Variants in RPRD2 observed in about 807,000 individuals in gnomAD.
RPRD2 encodes regulation of nuclear pre-mRNA domain-containing protein 2.
RPRD2 carries 12 observed loss-of-function variants against 104.4 expected under a neutral mutation model. That is an observed-to-expected ratio of 0.11 (90% confidence interval 0.07 to 0.19). The LOEUF (loss-of-function observed/expected upper bound fraction) is 0.19, where lower values mean the gene tolerates loss of function less well. Ranked by LOEUF, RPRD2 falls within the 10% of genes least tolerant of loss-of-function variation. The pLI is 1.00. For synonymous variants in RPRD2, 714 were observed against 684.9 expected, an observed-to-expected ratio of 1.04 and a Z score of -0.66; for missense variants, 1,543 against 1,790.1, an observed-to-expected ratio of 0.86 and a Z score of 2.49.
chr1:150,367,680 GCTAT>G (rs1333079160), intron 1 of RPRD2, among the ~76,000 whole-genome samples: 2 of 151,258 alleles, frequency 1.3e-5, no homozygotes, highest in South Asian at 2.1e-4. Context: ...AGAGAAATAG[GCTAT>G]CTAAGGATAT....
chr1:150,396,897 A>G (rs1036204513), intron 1 of RPRD2, among the ~76,000 whole-genome samples: 10 of 152,200 alleles, frequency 6.6e-5, no homozygotes, highest in African/African-American at 2.4e-4. Context: ...AACGAGACAC[A>G]CTATGCTAGC....
intron 1 of RPRD2, among the ~76,000 whole-genome samples, chr1:150,371,449 C>T (rs908117363): frequency 1.8e-4 from 27 of 152,260 alleles, no homozygotes; most frequent in African/African-American, 6.3e-4. Flanking sequence ...CTGCAAGCTC[C>T]GCCTCCCGTG....
At position 150,462,469 on chromosome 1, in the gene RPRD2, A is replaced by C. The variant is rs1008677905; in HGVS notation, c.1412-2058A>C. Among the ~76,000 whole-genome samples the C allele has an allele frequency of 7.2e-5, 11 of 152,018 alleles. No individual in the cohort carries two copies. In the East Asian group the frequency reaches 2.1e-3, roughly 29 times the overall value. ...TCAAAAAAAAACAAAAAACAAAAAA[A>C]AAACCTGTAAATTATAAAAATTTTA... On this transcript the variant is annotated intron_variant, in intron 9 of 10. Transcript: ENST00000369068.
chr1:150,386,064 T>C (rs181113642), intron 1 of RPRD2, among the ~76,000 whole-genome samples: 7 of 152,212 alleles, frequency 4.6e-5, no homozygotes, highest in Non-Finnish European at 1.0e-4. Context: ...GTAAGAAAGA[T>C]AAATAAAGCT....
At chr1:150,371,847 T>TATTTATTC (rs1280112137) in intron 1 of RPRD2, among the ~76,000 whole-genome samples, 11 of 152,368 alleles carry the variant, frequency 7.2e-5, no homozygotes, top group African/African-American at 2.6e-4. Context: ...ATAGCTTGCT[T>TATTTATTC]ATTTATTCAA....
In RPRD2 at chr1:150,433,439, A is replaced by ATTTTTTT. The variant is rs58544799; in HGVS notation, c.336-7467_336-7461dup. Among the ~76,000 whole-genome samples, 188 of 90,392 alleles carry ATTTTTTT rather than the reference A, an allele frequency of 2.1e-3. 6 individuals carry two copies. The highest frequency in any genetic ancestry group is 3.0e-3 in the African/African-American group (66 of 21,764). The allele number at this position is 90,392 out of a possible 152,430, so 59.3% of individuals were successfully genotyped here. ...ATACACACACACACACACAGACATA[A>ATTTTTTT]TTTTTTTTTTTTTTTTTTTTTTTGA... On this transcript the variant is annotated intron_variant, in intron 2 of 10. Transcript: ENST00000369068.
chr1:150,394,772 A>G lies in RPRD2; in HGVS notation c.206-22824A>G, dbSNP rs587651447. Among the ~76,000 whole-genome samples, 7 of 152,040 alleles carry G rather than the reference A, an allele frequency of 4.6e-5. No homozygotes were observed. The South Asian group carries it at 8.3e-4, about 18-fold the overall frequency. On this transcript the variant is annotated intron_variant, in intron 1 of 10. Coordinates refer to ENST00000369068, the MANE Select transcript of RPRD2 (RefSeq NM_015203.5). ...AATTTTTGTATTTTTTGTAGAGACC[A>G]GGTATCACCATGTTGCCCAGGCTGG...
At chr1:150,427,577 T>C (rs906293492) in intron 2 of RPRD2, among the ~76,000 whole-genome samples, 4 of 152,074 alleles carry the variant, frequency 2.6e-5, no homozygotes, top group African/African-American at 9.7e-5. Context: ...GGTGGGTGGA[T>C]TGCTTGAACC....
intron 1 of RPRD2, among the ~76,000 whole-genome samples, chr1:150,369,441 ATTTTTTTTTTT>A (rs58054758): frequency 2.8e-4 from 16 of 57,532 alleles, no homozygotes; most frequent in East Asian, 1.3e-3. Context: ...CACCTGGCTA[ATTTTTTTTTTT>A]TTTTTTTTTT....
chr1:150,399,773 T>G (rs1029713059), intron 1 of RPRD2, among the ~76,000 whole-genome samples: 1 of 151,568 alleles, frequency 6.6e-6, no homozygotes, highest in Non-Finnish European at 1.5e-5. Context: ...AAAAAAAAAT[T>G]GATTGCCCAC....
chr1:150,430,667 C>T (rs1443477395), intron 2 of RPRD2, among the ~76,000 whole-genome samples: 2 of 152,160 alleles, frequency 1.3e-5, no homozygotes, highest in East Asian at 1.9e-4. Context: ...TGGTGGCTCA[C>T]GCCTGTCATC....
chr1:150,461,355 G>T (rs145393273), intron 9 of RPRD2, among the ~76,000 whole-genome samples: 2 of 152,184 alleles, frequency 1.3e-5, no homozygotes, highest in East Asian at 3.9e-4. Context: ...AATTAAATAT[G>T]TATAACAATT....
intron 2 of RPRD2, among the ~76,000 whole-genome samples, chr1:150,423,188 G>A (rs1017543345): frequency 3.9e-5 from 6 of 152,146 alleles, no homozygotes; most frequent in African/African-American, 9.7e-5. Flanking sequence ...CCATGAGACC[G>A]GAATAGTTGA....
intron 1 of RPRD2, among the ~76,000 whole-genome samples, chr1:150,390,792 CAT>C (rs1284133497): frequency 1.5e-4 from 23 of 152,074 alleles, no homozygotes; most frequent in African/African-American, 4.1e-4. Context: ...ATGAGTCTAA[CAT>C]GTGTGATTGA....
chr1:150,465,248 G>GC (rs1553899671), intron 10 of RPRD2, among the ~76,000 whole-genome samples: 2 of 151,898 alleles, frequency 1.3e-5, no homozygotes, highest in African/African-American at 4.8e-5. Flanking sequence ...CTCCCAAGTA[G>GC]CTAGGATTAC....
intron 1 of RPRD2, among the ~76,000 whole-genome samples, chr1:150,401,920 G>A (rs1480476682): frequency 1.3e-5 from 2 of 151,116 alleles, no homozygotes; most frequent in Non-Finnish European, 2.9e-5. Flanking sequence ...TGGGATTACA[G>A]GCGTGAGCCA....
intron 2 of RPRD2, among the ~76,000 whole-genome samples, chr1:150,430,827 C>A (rs1665511429): frequency 6.6e-6 from 1 of 151,990 alleles, no homozygotes; most frequent in African/African-American, 2.4e-5. Flanking sequence ...ACTCGGGAGA[C>A]TGAGGCGGGA....
chr1:150,393,253 T>C (rs1212083765), intron 1 of RPRD2, among the ~76,000 whole-genome samples: 1 of 151,936 alleles, frequency 6.6e-6, no homozygotes, highest in African/African-American at 2.4e-5. Context: ...GCAGATCGCT[T>C]GAGCCCAGAA....
Position 150,364,901 on chromosome 1 carries a change from A to T in RPRD2, c.187A>T (p.Met63Leu). The change falls in exon 1 of 11, where the codon ATG becomes TTG. Residue 63 changes from methionine (M) to leucine (L), a missense_variant. Coordinates refer to ENST00000369068, the MANE Select transcript of RPRD2 (RefSeq NM_015203.5). ...CCACAGTACTATCGTCTATCATTGG[A>T]TGAAGTGGCTCCGGAGATGTGAGTG... ...KHHSTIVYHW[M>L]KWLRRSAYPH... is the part of the protein sequence containing the mutation. The T allele has an allele frequency of 1.2e-6, 2 of 1,613,966 alleles. No homozygotes were observed. The highest frequency in any genetic ancestry group is 1.7e-6 in the Non-Finnish European group (2 of 1,179,862).
Sources: gnomAD v4.1 joint callset for allele counts (sites outside exome capture counted in the v4.1 genomes callset) on GRCh38, gnomAD v4.1.1 for gene constraint, MANE v1.5 for transcripts, NCBI Gene and HGNC (gene_info 2026-07-23, HGNC 2026-07-21) for gene names.